The following GMDS variants were observed in gnomAD, a reference collection of about 807,000 sequenced individuals.
GMDS encodes the protein GDP-mannose 4,6 dehydratase.
In GMDS, 20 loss-of-function variants were observed where a neutral mutation model predicts 49.9. The ratio of observed to expected loss-of-function variants is 0.40; its 90% CI spans 0.28 to 0.58. The LOEUF is 0.58. Among genes scored for constraint, GMDS ranks in the 20% least tolerant of loss-of-function variants. The pLI is 0.42. For synonymous variants in GMDS, 177 were observed against 178.6 expected (o/e 0.99, Z 0.07); for missense variants, 362 against 481.4 (o/e 0.75, Z 2.32).
rs981310940 is a variant in GMDS, at chr6:1,906,567, C to T, written c.771+23536G>A. Among the ~76,000 whole-genome samples the T allele has an allele frequency of 2.0e-5, 3 of 152,170 alleles. No individual in the cohort carries two copies. In the South Asian group the frequency reaches 6.2e-4, roughly 32 times the overall value. On this transcript the variant is annotated intron_variant, in intron 7 of 10. Transcript: ENST00000380815. ...ACTCACTGATTTTAGAAATCAAACT[C>T]TTTTCACATCTCTATGATACTCTAG...
chr6:2,212,218 G>C (rs1561661395), intron 1 of GMDS, among the ~76,000 whole-genome samples: 1 of 152,160 alleles, frequency 6.6e-6, no homozygotes, highest in Non-Finnish European at 1.5e-5. Context: ...TTATAAAATA[G>C]CAATATCTCA....
At chr6:2,004,794 T>C (rs1316794755) in intron 4 of GMDS, among the ~76,000 whole-genome samples, 3 of 152,080 alleles carry the variant, frequency 2.0e-5, no homozygotes. Context: ...GAGCAAGGAG[T>C]ACAAAGACAG....
intron 7 of GMDS, among the ~76,000 whole-genome samples, chr6:1,851,435 T>C (rs542295963): frequency 1.8e-4 from 28 of 152,336 alleles, no homozygotes; most frequent in African/African-American, 5.5e-4. Flanking sequence ...TATAATATTA[T>C]ATTAAAGGGG....
chr6:1,902,833 A>G (rs1026180974), intron 7 of GMDS, among the ~76,000 whole-genome samples: 1 of 152,202 alleles, frequency 6.6e-6, no homozygotes, highest in African/African-American at 2.4e-5. Flanking sequence ...CACATAAACT[A>G]TTGTTTATTA....
intron 1 of GMDS, among the ~76,000 whole-genome samples, chr6:2,231,839 A>G (rs1781124543): frequency 6.6e-6 from 1 of 152,226 alleles, no homozygotes; most frequent in Non-Finnish European, 1.5e-5. Context: ...CACAGGTTTA[A>G]GACATGATCC....
intron 1 of GMDS, among the ~76,000 whole-genome samples, chr6:2,144,454 T>A (rs925534163): frequency 7.2e-5 from 11 of 152,070 alleles, no homozygotes; most frequent in African/African-American, 2.7e-4. Flanking sequence ...CGGGGCAGGG[T>A]GAACAGGTTA....
At chr6:1,996,337 G>C (rs1766279760) in intron 4 of GMDS, among the ~76,000 whole-genome samples, 1 of 152,092 alleles carries the variant, frequency 6.6e-6, no homozygotes, top group African/African-American at 2.4e-5. Context: ...CTTTTTAAGA[G>C]ACAGGGGGTG....
intron 7 of GMDS, among the ~76,000 whole-genome samples, chr6:1,830,036 G>T (rs1242876168): frequency 6.6e-6 from 1 of 152,060 alleles, no homozygotes; most frequent in East Asian, 1.9e-4. Flanking sequence ...CTTCTAGACT[G>T]CCGCTGTCCA....
intron 1 of GMDS, among the ~76,000 whole-genome samples, chr6:2,205,755 C>T (rs1779776811): frequency 1.3e-5 from 2 of 152,074 alleles, no homozygotes; most frequent in African/African-American, 4.8e-5. Flanking sequence ...CTCTTCAGTC[C>T]AAGCCTTCAG....
At chr6:1,679,683 TACAGTTC>T (rs1764729973) in intron 9 of GMDS, 1 of 152,266 alleles carries the variant, frequency 6.6e-6, no homozygotes, top group Non-Finnish European at 1.5e-5. Context: ...TGCAAGTTGT[TACAGTTC>T]AGTGTATACG....
At chr6:2,089,919 G>A (rs1022236886) in intron 4 of GMDS, among the ~76,000 whole-genome samples, 2 of 152,172 alleles carry the variant, frequency 1.3e-5, no homozygotes, top group Non-Finnish European at 2.9e-5. Context: ...TGGAGAGAGG[G>A]TTTAGGCATA....
chr6:2,231,266 A>G (rs1301465122), intron 1 of GMDS, among the ~76,000 whole-genome samples: 1 of 152,124 alleles, frequency 6.6e-6, no homozygotes, highest in Non-Finnish European at 1.5e-5. Context: ...AGGTATGAAA[A>G]GTGCCCAAGG....
chr6:2,117,801 C>T (rs556296220), intron 2 of GMDS, among the ~76,000 whole-genome samples: 1 of 152,302 alleles, frequency 6.6e-6, no homozygotes, highest in East Asian at 1.9e-4. Flanking sequence ...TGACTTCATG[C>T]TTAGTTGTAG....
chr6:2,196,257 A>G (rs234940), intron 1 of GMDS, among the ~76,000 whole-genome samples: 6,267 of 152,326 alleles, frequency 0.041, 259 homozygotes, highest in South Asian at 0.13. Context: ...TATATACTTG[A>G]GCCACCTGGT....
chr6:2,007,640 A>G (rs1279066430), intron 4 of GMDS, among the ~76,000 whole-genome samples: 2 of 151,728 alleles, frequency 1.3e-5, no homozygotes, highest in Non-Finnish European at 2.9e-5. Flanking sequence ...GCAACCTTCC[A>G]GTTCTTCTAC....
intron 1 of GMDS, among the ~76,000 whole-genome samples, chr6:2,183,911 T>C (rs905203205): frequency 6.6e-6 from 1 of 152,172 alleles, no homozygotes; most frequent in Admixed American, 6.5e-5. Context: ...GTTATGTACA[T>C]TTTTTAGATA....
At chr6:1,694,676 G>A (rs550949248) in intron 9 of GMDS, among the ~76,000 whole-genome samples, 1 of 152,276 alleles carries the variant, frequency 6.6e-6, no homozygotes, top group South Asian at 2.1e-4. Flanking sequence ...AGCAAGAGGT[G>A]GAAATAGGAT....
At position 2,044,900 on chromosome 6, in the gene GMDS, GTT is replaced by G. The variant is rs539978364; in HGVS notation, c.345+70869_345+70870del. Among the ~76,000 whole-genome samples, 81 of 144,480 alleles carry G rather than the reference GTT, an allele frequency of 5.6e-4. No individual in the cohort carries two copies. The East Asian group carries it at 0.013, about 24-fold the overall frequency. 94.8% of individuals were successfully genotyped at this position (144,480 alleles called of 152,430 possible). On this transcript the variant is annotated intron_variant, in intron 4 of 10. Coordinates refer to ENST00000380815, the MANE Select transcript of GMDS (RefSeq NM_001500.4). ...TTCTTTTCTGTGTGTGTGTGTGTGTGTTTTTTTCAGGCCTTTGATAACTTTAC... is the reference window on the plus strand; with the variant it reads ...TTCTTTTCTGTGTGTGTGTGTGTGTGTTTTTCAGGCCTTTGATAACTTTAC...
chr6:1,751,527 C>T (rs920502021), intron 7 of GMDS, among the ~76,000 whole-genome samples: 7 of 152,216 alleles, frequency 4.6e-5, no homozygotes, highest in African/African-American at 1.7e-4. Context: ...TGGAATGTCG[C>T]TCTGTTGCCA....
Sources: gnomAD v4.1 joint callset for allele counts (sites outside exome capture counted in the v4.1 genomes callset) on GRCh38, gnomAD v4.1.1 for gene constraint, MANE v1.5 for transcripts, NCBI Gene and HGNC (gene_info 2026-07-23, HGNC 2026-07-21) for gene names.